The following CAMK4 variants were observed in gnomAD, a reference collection of about 807,000 sequenced individuals.
CAMK4 encodes the protein calcium/calmodulin-dependent protein kinase type IV.
In CAMK4, 22 loss-of-function variants were observed where a neutral mutation model predicts 44.9. That is an observed-to-expected ratio of 0.49 (90% confidence interval 0.35 to 0.70). The LOEUF is 0.70. Among genes scored for constraint, CAMK4 ranks in the 30% least tolerant of loss-of-function variants. The pLI is 0.01. For missense variants in CAMK4, 498 were observed against 586.8 expected (o/e 0.85, Z 1.56); for synonymous variants, 218 against 215.4 (o/e 1.01, Z -0.11).
chr5:111,300,365 T>C (rs572861408), intron 1 of CAMK4, among the ~76,000 whole-genome samples: 1 of 152,232 alleles, frequency 6.6e-6, no homozygotes, highest in Non-Finnish European at 1.5e-5. Context: ...GGAGTAGGAC[T>C]TGCCTCTTCC....
chr5:111,397,281 C>T (rs756318852), intron 5 of CAMK4, among the ~76,000 whole-genome samples: 3 of 152,090 alleles, frequency 2.0e-5, no homozygotes, highest in Non-Finnish European at 4.4e-5. Context: ...TAGCAATTAA[C>T]CTAACAGGAT....
Position 111,396,631 on chromosome 5 carries a change from C to CTTTTTTTTTTTTTTTTTTTTTT in CAMK4, c.459+1855_459+1876dup, listed in dbSNP as rs540495109. ...ACTTTAATTGCCATTAACTCATATT[C>CTTTTTTTTTTTTTTTTTTTTTT]TTTTTTTTTTTTTTTTTTTTTTTTT... On this transcript the variant is annotated intron_variant, in intron 5 of 10. Transcript: ENST00000282356. Among the ~76,000 whole-genome samples, 35 of 47,016 alleles carry CTTTTTTTTTTTTTTTTTTTTTT rather than the reference C, an allele frequency of 7.4e-4. 9 individuals carry two copies. Among genetic ancestry groups the CTTTTTTTTTTTTTTTTTTTTTT allele is most frequent in the Non-Finnish European group, 9.0e-4 (25 of 27,864 alleles). 30.8% of individuals were successfully genotyped at this position (47,016 alleles called of 152,430 possible). A position where few individuals can be genotyped will look rare whatever the true frequency, so the allele number is the denominator to read the frequency against.
chr5:111,389,265 A>G (rs922549739), intron 4 of CAMK4, among the ~76,000 whole-genome samples: 2 of 152,148 alleles, frequency 1.3e-5, no homozygotes, highest in Admixed American at 6.6e-5. Flanking sequence ...TTCATCCTTC[A>G]TGACAGAATC....
intron 7 of CAMK4, among the ~76,000 whole-genome samples, chr5:111,461,790 G>T (rs1580785058): frequency 1.8e-5 from 1 of 55,992 alleles, no homozygotes; most frequent in South Asian, 5.7e-4. Context: ...AGAAAACACT[G>T]AATTCAAAAC....
At chr5:111,313,275 T>C (rs1156450095) in intron 1 of CAMK4, among the ~76,000 whole-genome samples, 2 of 152,146 alleles carry the variant, frequency 1.3e-5, no homozygotes, top group East Asian at 1.9e-4. Flanking sequence ...TTCTACCCCA[T>C]GGAGCAGCTA....
At chr5:111,466,117 G>T (rs1469194758) in intron 7 of CAMK4, among the ~76,000 whole-genome samples, 1 of 152,048 alleles carries the variant, frequency 6.6e-6, no homozygotes, top group Non-Finnish European at 1.5e-5. Context: ...CATCTCAATA[G>T]ACTCAGGAAA....
chr5:111,468,620 C>G (rs1441189604), intron 7 of CAMK4, among the ~76,000 whole-genome samples: 7 of 152,158 alleles, frequency 4.6e-5, no homozygotes, highest in Non-Finnish European at 1.0e-4. Context: ...TTGGAAAAGG[C>G]CTGTCTAGAT....
At chr5:111,442,880 G>A (rs1753877550) in intron 5 of CAMK4, among the ~76,000 whole-genome samples, 1 of 148,930 alleles carries the variant, frequency 6.7e-6, no homozygotes, top group African/African-American at 2.5e-5. Flanking sequence ...AAAATTAATA[G>A]GCATTTTAAT....
rs1394685136 is a variant in CAMK4 at position 111,489,823 on chromosome 5, T to C, written c.*5357T>C. ...TGAGATTCCACCAGTGGGTTACTCT[T>C]TTCTTGTCTTGGTTTGCTATGCCTT... On this transcript the variant is annotated 3_prime_UTR_variant, in exon 11 of 11. Transcript: ENST00000282356. The C allele has an allele frequency of 3.9e-5, 6 of 152,264 alleles. No homozygotes were observed. Among genetic ancestry groups the C allele is most frequent in the Non-Finnish European group, 7.3e-5 (5 of 68,062 alleles). 9.4% of individuals were successfully genotyped at this position (152,264 alleles called of 1,614,324 possible). A position where few individuals can be genotyped will look rare whatever the true frequency, so the allele number is the denominator to read the frequency against.
chr5:111,351,332 C>G (rs968698957), intron 2 of CAMK4, among the ~76,000 whole-genome samples: 5 of 152,038 alleles, frequency 3.3e-5, no homozygotes, highest in African/African-American at 1.2e-4. Flanking sequence ...ATCCACCAGT[C>G]TTTTTACACA....
chr5:111,320,229 A>G (rs1199880286), intron 1 of CAMK4, among the ~76,000 whole-genome samples: 1 of 152,182 alleles, frequency 6.6e-6, no homozygotes, highest in African/African-American at 2.4e-5. Context: ...ACATGGTCTC[A>G]CATGACATGC....
At position 111,322,036 on chromosome 5, in the gene CAMK4, A is replaced by G. The variant is rs530814848; in HGVS notation, c.162-21988A>G. 1.4e-4 allele frequency among the ~76,000 whole-genome samples: 21 copies of G among 152,170 alleles called. No homozygotes were observed. The South Asian group carries it at 4.4e-3, about 32-fold the overall frequency. ...ACTTCTGCTTGTGAGAATCAAAGGT[A>G]CTACACTTGCCCTTCTTCTATAAAC... On this transcript the variant is annotated intron_variant, in intron 1 of 10. Transcript: ENST00000282356.
At chr5:111,277,829 TG>T (rs1184660446) in intron 1 of CAMK4, among the ~76,000 whole-genome samples, 1 of 152,178 alleles carries the variant, frequency 6.6e-6, no homozygotes, top group African/African-American at 2.4e-5. Flanking sequence ...TGCTTCTTAA[TG>T]GTGAGAATCT....
At chr5:111,354,971 G>T (rs1329303144) in intron 2 of CAMK4, among the ~76,000 whole-genome samples, 1 of 152,120 alleles carries the variant, frequency 6.6e-6, no homozygotes, top group African/African-American at 2.4e-5. Flanking sequence ...TAAGAGGGAT[G>T]GATGGTTCAA....
chr5:111,483,893 C>T, intron 10 of CAMK4, 133 bp from the exon 11 acceptor site: 1 of 565,064 alleles, frequency 1.8e-6, no homozygotes, highest in Non-Finnish European at 2.9e-6. Context: ...GGCAAACAAT[C>T]TAGGAATAAG....
chr5:111,409,076 G>T (rs561314251), intron 5 of CAMK4, among the ~76,000 whole-genome samples: 2 of 152,298 alleles, frequency 1.3e-5, no homozygotes, highest in East Asian at 3.9e-4. Flanking sequence ...CTACCATTCT[G>T]GGTCTGGAGG....
At chr5:111,336,220 A>T (rs1486794280) in intron 1 of CAMK4, among the ~76,000 whole-genome samples, 2 of 151,218 alleles carry the variant, frequency 1.3e-5, no homozygotes, top group Non-Finnish European at 3.0e-5. Context: ...TGACTCCATA[A>T]ATATAATATC....
intron 5 of CAMK4, among the ~76,000 whole-genome samples, chr5:111,438,172 G>A (rs889932917): frequency 3.3e-5 from 5 of 152,128 alleles, no homozygotes; most frequent in Non-Finnish European, 4.4e-5. Flanking sequence ...AGGGCAGGGA[G>A]GTCGAGAGTG....
intron 9 of CAMK4, chr5:111,481,810 G>T (rs984959072): frequency 6.6e-6 from 1 of 152,190 alleles, no homozygotes; most frequent in Middle Eastern, 3.4e-3. Context: ...TTTATGAATT[G>T]GCACTAGTAG....
Sources: gnomAD v4.1 joint callset for allele counts (sites outside exome capture counted in the v4.1 genomes callset) on GRCh38, gnomAD v4.1.1 for gene constraint, MANE v1.5 for transcripts, NCBI Gene and HGNC (gene_info 2026-07-23, HGNC 2026-07-21) for gene names.